The following SYN2 variants were observed in gnomAD, a reference collection of about 807,000 sequenced individuals.
SYN2 encodes the protein synapsin-2.
SYN2 carries 19 observed loss-of-function variants against 50.9 expected under a neutral mutation model. That is an observed-to-expected ratio of 0.37 (90% CI 0.26 to 0.55). The LOEUF is 0.55. SYN2 is among the 20% of genes least tolerant of loss of function. The probability of loss-of-function intolerance (pLI) is 0.81; values close to 1 mark genes in which losing one functional copy is unlikely to be tolerated. For synonymous variants in SYN2, 255 were observed against 224.9 expected (o/e 1.13, Z -1.20); for missense variants, 587 against 576.4 (o/e 1.02, Z -0.19).
At chr3:12,143,416 A>AT (rs1697074039) in intron 3 of SYN2, among the ~76,000 whole-genome samples, 1 of 151,864 alleles carries the variant, frequency 6.6e-6, no homozygotes, top group Non-Finnish European at 1.5e-5. Context: ...CCAATAGGTA[A>AT]TTTTTCAGCC....
At chr3:12,172,434 T>C (rs942733430) in intron 10 of SYN2, among the ~76,000 whole-genome samples, 1 of 152,200 alleles carries the variant, frequency 6.6e-6, no homozygotes, top group East Asian at 1.9e-4. Context: ...AAAGCTATTA[T>C]ACTCACAGTT....
chr3:12,060,879 G>A (rs1351825914), intron 1 of SYN2, among the ~76,000 whole-genome samples: 2 of 152,174 alleles, frequency 1.3e-5, no homozygotes, highest in Non-Finnish European at 2.9e-5. Flanking sequence ...ACAGCCTGAA[G>A]TGTCTTCAAA....
chr3:12,087,927 A>C (rs574591843), intron 1 of SYN2, among the ~76,000 whole-genome samples: 1 of 150,752 alleles, frequency 6.6e-6, no homozygotes, highest in Admixed American at 6.6e-5. Context: ...TAAAAAAAAA[A>C]CCCCTCAAAA....
intron 1 of SYN2, among the ~76,000 whole-genome samples, chr3:12,038,478 T>C (rs1694548316): frequency 6.6e-6 from 1 of 152,186 alleles, no homozygotes; most frequent in East Asian, 1.9e-4. Context: ...GCTGAAATTT[T>C]GATAGGGATT....
chr3:12,078,006 C>T (rs747101246), intron 1 of SYN2, among the ~76,000 whole-genome samples: 4 of 152,032 alleles, frequency 2.6e-5, no homozygotes, highest in African/African-American at 4.8e-5. Flanking sequence ...TTTTAATAAT[C>T]GCCATTCTGA....
chr3:12,124,775 A>T (rs2623888), intron 1 of SYN2, among the ~76,000 whole-genome samples: 1 of 152,200 alleles, frequency 6.6e-6, no homozygotes, highest in Non-Finnish European at 1.5e-5. Context: ...ATACACATGT[A>T]GTAAAACTAT....
chr3:12,013,815 CCCTGCTTTCTTCTCCT>C (rs1250667080), intron 1 of SYN2, among the ~76,000 whole-genome samples: 4 of 152,078 alleles, frequency 2.6e-5, no homozygotes, highest in African/African-American at 4.8e-5. Flanking sequence ...GTGATTTGAC[CCCTGCTTTCTTCTCCT>C]GCCGTCTCTA....
At chr3:12,064,074 G>A (rs1338674787) in intron 1 of SYN2, among the ~76,000 whole-genome samples, 11 of 152,008 alleles carry the variant, frequency 7.2e-5, no homozygotes, top group Admixed American at 7.2e-4. Flanking sequence ...AATGTTGGTA[G>A]TGTATACCCT....
At chr3:12,172,927 G>A (rs1285934537) in intron 10 of SYN2, among the ~76,000 whole-genome samples, 1 of 152,210 alleles carries the variant, frequency 6.6e-6, no homozygotes, top group Non-Finnish European at 1.5e-5. Flanking sequence ...CAGCCCATGT[G>A]GGCAAGGACT....
chr3:12,057,330 T>C (rs913352443), intron 1 of SYN2, among the ~76,000 whole-genome samples: 1 of 151,960 alleles, frequency 6.6e-6, no homozygotes, highest in African/African-American at 2.4e-5. Context: ...TGTGTATACT[T>C]TTTGACATCT....
intron 1 of SYN2, among the ~76,000 whole-genome samples, chr3:12,016,314 C>T (rs1272948417): frequency 6.6e-6 from 1 of 152,188 alleles, no homozygotes; most frequent in Admixed American, 6.5e-5. Context: ...CTGCTACTAA[C>T]TTGAATGTGT....
chr3:12,072,206 T>TAAGAGTACTTTATATATTCTGGATACC (rs1355460011), intron 1 of SYN2, among the ~76,000 whole-genome samples: 4 of 152,258 alleles, frequency 2.6e-5, no homozygotes, highest in African/African-American at 9.6e-5. Flanking sequence ...TATTGAAATA[T>TAAGAGTACTTTATATATTCTGGATACC]AAGAGTACTT....
chr3:12,109,702 A>G (rs1696273153), intron 1 of SYN2, among the ~76,000 whole-genome samples: 1 of 152,092 alleles, frequency 6.6e-6, no homozygotes, highest in Non-Finnish European at 1.5e-5. Context: ...ACCCAGCTAT[A>G]TCTATAACTC....
At chr3:12,090,510 C>A (rs1379596070) in intron 1 of SYN2, among the ~76,000 whole-genome samples, 1 of 146,884 alleles carries the variant, frequency 6.8e-6, no homozygotes, top group Non-Finnish European at 1.5e-5. Context: ...CCAGTAAGAC[C>A]TTGAGCTAAT....
At chr3:12,159,406 C>T (rs3755724) in intron 5 of SYN2, 48,049 of 152,724 alleles carry the variant, frequency 0.31, 8,763 homozygotes, top group East Asian at 0.65. Flanking sequence ...GCAGGAAGTG[C>T]TTTCAATGCC....
At chr3:12,127,298 AT>A (rs1284773069) in intron 1 of SYN2, among the ~76,000 whole-genome samples, 1 of 152,202 alleles carries the variant, frequency 6.6e-6, no homozygotes, top group Non-Finnish European at 1.5e-5. Context: ...CTGTCTTCAT[AT>A]TTCTCTATTA....
chr3:12,157,584 C>A (rs1697496133), intron 5 of SYN2: 1 of 1,186,588 alleles, frequency 8.4e-7, no homozygotes, highest in South Asian at 1.3e-5. Flanking sequence ...TAGGGCAGTT[C>A]TTGGTTTTGG....
At chr3:12,161,962 G>A in intron 6 of SYN2, 50 bp from the exon 7 acceptor site, 2 of 1,608,488 alleles carry the variant, frequency 1.2e-6, no homozygotes, top group Non-Finnish European at 1.7e-6. Flanking sequence ...TTCTCAGTGT[G>A]TGTATGTGTG....
intron 7 of SYN2, among the ~76,000 whole-genome samples, 199 bp from the exon 8 acceptor site, chr3:12,167,035 T>C (rs1697816456): frequency 6.6e-6 from 1 of 152,142 alleles, no homozygotes; most frequent in African/African-American, 2.4e-5. Flanking sequence ...GCAAGACCCT[T>C]GTAGAGAGGA....
Sources: allele counts gnomAD v4.1 joint callset (sites outside exome capture counted in the v4.1 genomes callset), GRCh38; gene constraint gnomAD v4.1.1; transcripts MANE v1.5; gene names NCBI Gene and HGNC (gene_info 2026-07-23, HGNC 2026-07-21).